The following ITGA5 variants were observed in gnomAD, a reference collection of about 807,000 sequenced individuals.
The protein encoded by ITGA5 is integrin subunit alpha 5.
Under a neutral mutation model 146.3 loss-of-function variants are expected in ITGA5, and 55 were observed. That is an observed-to-expected ratio of 0.38 (90% confidence interval 0.30 to 0.47). The LOEUF (loss-of-function observed/expected upper bound fraction) is 0.47. Ranked by LOEUF, ITGA5 falls within the 20% of genes least tolerant of loss-of-function variation. ITGA5 has a pLI of 0.99. For synonymous variants in ITGA5, 500 were observed against 531.8 expected, an observed-to-expected ratio of 0.94 and a Z score of 0.82; for missense variants, 1,131 against 1,329.0, an observed-to-expected ratio of 0.85 and a Z score of 2.32.
In ITGA5 at chr12:54,400,926, C is replaced by T. The variant is rs1955777522; in HGVS notation, c.2563G>A (p.Gly855Ser). The change falls in exon 25 of 30, where the codon GGT (glycine) becomes AGT (serine). Residue 855 changes from glycine to serine, a missense_variant. Around this residue, in one of 3 missense-constraint regions of ITGA5, gnomAD observed 889 missense variants for 1,021.5 expected, o/e 0.87. Transcript: ENST00000293379. ...CTGGTCACATATAGGAGCTGCTGAC[C>T]TTCCAGAGCCTGGGGACAGCTGAGT... ...LELSCPQALE[G>S]QQLLYVTRVT... The T allele has an allele frequency of 1.2e-6, 2 of 1,613,946 alleles. No homozygotes were observed. Among genetic ancestry groups the T allele is most frequent in the African/African-American group, 2.7e-5 (2 of 74,898 alleles).
intron 9 of ITGA5, chr12:54,407,389 C>T (rs1592289488): frequency 1.9e-6 from 1 of 522,434 alleles, no homozygotes; most frequent in East Asian, 3.1e-5. Flanking sequence ...TCATTTCATC[C>T]TTGCCAGAGC....
chr12:54,418,554 C>G (rs1357674924), intron 1 of ITGA5, among the ~76,000 whole-genome samples: 2 of 152,022 alleles, frequency 1.3e-5, no homozygotes, highest in African/African-American at 2.4e-5. Context: ...ATGGCCCCTA[C>G]GGATCCCGAG....
At position 54,403,097 on chromosome 12, in the gene ITGA5, G is replaced by C. The variant is rs762119632; in HGVS notation, c.1915-47C>G. 65 of 1,611,732 alleles carry C rather than the reference G, an allele frequency of 4.0e-5. No individual in the cohort carries two copies. Among genetic ancestry groups the C allele is most frequent in the Non-Finnish European group, 4.9e-5 (58 of 1,178,414 alleles). On this transcript the variant is annotated intron_variant, in intron 18 of 29. Transcript: ENST00000293379. The surrounding 1 kb of genome is among the most constrained non-coding windows in gnomAD (Gnocchi z 4.9). ...AGAGGGGAAGTTTAGACCCATTCCT[G>C]GGCTGTAGGCTCTTCTCTTTCCATG...
intron 25 of ITGA5, 117 bp downstream of exon 25, chr12:54,400,729 C>G: frequency 9.8e-7 from 1 of 1,020,604 alleles, no homozygotes; most frequent in Non-Finnish European, 1.4e-6. Context: ...GACCCTCAAC[C>G]CTAGCTATAG....
chr12:54,405,135 C>A, intron 12 of ITGA5, 31 bp downstream of exon 12: 1 of 1,532,214 alleles, frequency 6.5e-7, no homozygotes, highest in Non-Finnish European at 8.8e-7. Context: ...CCCCTGCCTC[C>A]TCTTTCACTC....
chr12:54,398,277 T>C (rs1592283052), intron 28 of ITGA5, among the ~76,000 whole-genome samples: 1 of 152,302 alleles, frequency 6.6e-6, no homozygotes, highest in East Asian at 1.9e-4. Flanking sequence ...ATTCTTCAGG[T>C]CTCAGCTTGA....
chr12:54,407,946 A>G, intron 7 of ITGA5, 70 bp from the exon 8 acceptor site: 1 of 1,526,956 alleles, frequency 6.5e-7, no homozygotes, highest in South Asian at 1.2e-5. Context: ...CTATCCACCA[A>G]TCCCTTCCCC....
intron 1 of ITGA5, among the ~76,000 whole-genome samples, chr12:54,418,573 G>C (rs1462898374): frequency 6.6e-6 from 1 of 151,408 alleles, no homozygotes; most frequent in African/African-American, 2.4e-5. Context: ...AGGTCTCCTG[G>C]AGCCCCCAAA....
In ITGA5 at chr12:54,398,873, T is replaced by C; in HGVS notation, c.2842-175A>G. The C allele has an allele frequency of 6.1e-6, 3 of 492,006 alleles. No homozygotes were observed. In the South Asian group the frequency reaches 8.1e-5, roughly 13 times the overall value. 30.5% of individuals were successfully genotyped at this position (492,006 alleles called of 1,614,324 possible). A position where few individuals can be genotyped will look rare whatever the true frequency, so the allele number is the denominator to read the frequency against. On this transcript the variant is annotated intron_variant, in intron 27 of 29. Coordinates refer to ENST00000293379, the MANE Select transcript of ITGA5 (RefSeq NM_002205.5). Reference sequence around the variant, plus strand: ...TTTTTTTTTTGAGACTAGGTCTCACTCTGTCCCCCAGGCTGGAGTGCAGTG... The same window carrying C: ...TTTTTTTTTTGAGACTAGGTCTCACCCTGTCCCCCAGGCTGGAGTGCAGTG...
At chr12:54,405,608 C>T in intron 11 of ITGA5, 56 bp downstream of exon 11, 1 of 1,469,546 alleles carries the variant, frequency 6.8e-7, no homozygotes, top group Non-Finnish European at 9.5e-7. Context: ...CCCATTCCCA[C>T]TCTTCCCTCT....
At chr12:54,405,410 C>A in intron 11 of ITGA5, 36 bp from the exon 12 acceptor site, 2 of 1,507,756 alleles carry the variant, frequency 1.3e-6, no homozygotes, top group Non-Finnish European at 9.0e-7. Context: ...TCTCGATACC[C>A]TGTCTTGCCA....
At position 54,401,324 on chromosome 12, in the gene ITGA5, GCTC is replaced by G; in HGVS notation, c.2493+46_2493+48del. 1 of 1,324,706 alleles carries G rather than the reference GCTC, an allele frequency of 7.5e-7. No homozygotes were observed. Among genetic ancestry groups the G allele is most frequent in the Middle Eastern group, 2.1e-4 (1 of 4,774 alleles). 82.1% of individuals were successfully genotyped at this position (1,324,706 alleles called of 1,614,324 possible). On this transcript the variant is annotated intron_variant, in intron 24 of 29. Coordinates refer to ENST00000293379, the MANE Select transcript of ITGA5 (RefSeq NM_002205.5). This position sits in a 1 kb window ranked among gnomAD's most constrained non-coding sequence, Gnocchi z 5.0. ...TTCCAGCCATCTGTCACTCATATTA[GCTC>G]CTCCTTTCCCATCATTCATTCTGGC... is the stretch of plus-strand genomic sequence containing the variant.
chr12:54,408,674 C>T, intron 6 of ITGA5, 82 bp downstream of exon 6: 2 of 1,280,060 alleles, frequency 1.6e-6, no homozygotes, highest in East Asian at 2.5e-5. Context: ...TGTGCCACTG[C>T]ACTCCAGCCT....
intron 9 of ITGA5, 135 bp downstream of exon 9, chr12:54,407,514 C>T: frequency 4.0e-6 from 3 of 741,072 alleles, no homozygotes; most frequent in Non-Finnish European, 7.4e-6. Context: ...AGAGTAAGTG[C>T]CAGAACTTGA....
chr12:54,400,695 T>C, intron 25 of ITGA5, 151 bp downstream of exon 25: 1 of 658,490 alleles, frequency 1.5e-6, no homozygotes, highest in South Asian at 2.1e-5. Flanking sequence ...CTCCAGAGGA[T>C]TTTGAGGTAA....
chr12:54,410,141 C>T (rs1432870982), intron 2 of ITGA5, among the ~76,000 whole-genome samples: 2 of 151,810 alleles, frequency 1.3e-5, no homozygotes, highest in Non-Finnish European at 2.9e-5. Flanking sequence ...AAGCGTGAGC[C>T]ACTGCGCCCG....
chr12:54,417,924 C>T (rs11170895), intron 1 of ITGA5, among the ~76,000 whole-genome samples: 12,396 of 152,244 alleles, frequency 0.081, 584 homozygotes, highest in Admixed American at 0.13. Flanking sequence ...TGCTTCCACT[C>T]TAACTCCTGT....
chr12:54,403,250 TG>T lies in ITGA5; in HGVS notation c.1850del (p.Pro617GlnfsTer19). On this transcript the variant is annotated frameshift_variant, in exon 18 of 30. Coordinates refer to ENST00000293379, the MANE Select transcript of ITGA5 (RefSeq NM_002205.5). LOFTEE classifies it high-confidence loss of function. This position sits in a 1 kb window ranked among gnomAD's most constrained non-coding sequence, Gnocchi z 4.9. ...ALNFSLDPQA[P>X]VDSHGLRPAL... ...CTGGCCTGAGGCCGTGGCTGTCCACTGGGGCTTGGGGGTCCAAGGAGAAGTT... is the reference window on the plus strand; with the variant it reads ...CTGGCCTGAGGCCGTGGCTGTCCACTGGGCTTGGGGGTCCAAGGAGAAGTT... 1 of 1,566,660 alleles carries T rather than the reference TG, an allele frequency of 6.4e-7. No individual in the cohort carries two copies.
intron 19 of ITGA5, among the ~76,000 whole-genome samples, 155 bp from the exon 20 acceptor site, chr12:54,402,485 A>G (rs1955800087): frequency 6.6e-6 from 1 of 152,082 alleles, no homozygotes; most frequent in Non-Finnish European, 1.5e-5. Context: ...TCACGAGGTC[A>G]GGAGTTCAAG....
Sources: gnomAD v4.1 joint callset for allele counts (sites outside exome capture counted in the v4.1 genomes callset) on GRCh38, gnomAD v4.1.1 for gene constraint, gnomAD v4.1.1 regional missense constraint, Gnocchi (gnomAD v3.1) non-coding constraint, MANE v1.5 for transcripts, NCBI Gene and HGNC (gene_info 2026-07-23, HGNC 2026-07-21) for gene names.